The following ANK1 variants were observed in gnomAD, a reference collection of about 807,000 sequenced individuals.
The protein encoded by ANK1 is ankyrin-1.
In ANK1, 51 loss-of-function variants were observed where a neutral mutation model predicts 210.4. The observed-to-expected ratio is 0.24, with a 90% CI of 0.19 to 0.31. The LOEUF (loss-of-function observed/expected upper bound fraction) is 0.31, where lower values mean the gene tolerates loss of function less well. ANK1 is among the 10% of genes least tolerant of loss of function. The pLI is 1.00. For synonymous variants in ANK1, 967 were observed against 1,025.9 expected (o/e 0.94, Z 1.10); for missense variants, 2,051 against 2,504.4 (o/e 0.82, Z 3.86).
chr8:41,732,008 G>A (rs539956674), intron 3 of ANK1, among the ~76,000 whole-genome samples: 4 of 152,310 alleles, frequency 2.6e-5, no homozygotes, highest in South Asian at 4.1e-4. Flanking sequence ...AAAATACCCC[G>A]TATCCAGTCA....
At chr8:41,715,299 C>G (rs1384553757) in intron 14 of ANK1, among the ~76,000 whole-genome samples, 3 of 152,218 alleles carry the variant, frequency 2.0e-5, no homozygotes, top group African/African-American at 7.2e-5. Flanking sequence ...AACCACCTCA[C>G]AGTGGTAGTT....
At chr8:41,852,800 A>T (rs185653394) in intron 1 of ANK1, among the ~76,000 whole-genome samples, 2 of 152,200 alleles carry the variant, frequency 1.3e-5, no homozygotes, top group Middle Eastern at 3.4e-3. Context: ...CCTCTCCCCA[A>T]CCCGCTGAGT....
At position 41,655,601 on chromosome 8, in the gene ANK1, T is replaced by C; in HGVS notation, c.*189A>G. ...TCATGCGTCTACAGTCAGTCATTCATGCCAAGAGGGGACTAGCAGGAGTCC... is the reference window on the plus strand; with the variant it reads ...TCATGCGTCTACAGTCAGTCATTCACGCCAAGAGGGGACTAGCAGGAGTCC... On this transcript the variant is annotated 3_prime_UTR_variant, in exon 43 of 43. Transcript: ENST00000289734. The C allele has an allele frequency of 8.4e-7, 1 of 1,183,898 alleles. No individual in the cohort carries two copies. The highest frequency in any genetic ancestry group is 1.2e-6 in the Non-Finnish European group (1 of 805,452). The allele number at this position is 1,183,898 out of a possible 1,614,324, so 73.3% of individuals were successfully genotyped here.
At chr8:41,865,273 T>C (rs1188655203) in intron 1 of ANK1, among the ~76,000 whole-genome samples, 1 of 152,190 alleles carries the variant, frequency 6.6e-6, no homozygotes, top group Non-Finnish European at 1.5e-5. Context: ...TTTCAGGAAC[T>C]GCATTTGCTG....
intron 2 of ANK1, among the ~76,000 whole-genome samples, chr8:41,752,440 A>G (rs1837936005): frequency 6.6e-6 from 1 of 152,062 alleles, no homozygotes; most frequent in Non-Finnish European, 1.5e-5. Context: ...ACTTCCAAAT[A>G]TCTATCTTTG....
At position 41,690,471 on chromosome 8, in the gene ANK1, C is replaced by T; in HGVS notation, c.3984+3G>A. 6.2e-7 allele frequency: 1 copy of T among 1,614,234 alleles called. No homozygotes were observed. Among genetic ancestry groups the T allele is most frequent in the Non-Finnish European group, 8.5e-7 (1 of 1,180,036 alleles). On this transcript the variant is annotated splice_donor_region_variant and intron_variant, in intron 32 of 42. Coordinates refer to ENST00000289734, the MANE Select transcript of ANK1 (RefSeq NM_000037.4). ...GGAGAACTCAGCCAGAGGGTGCCGG[C>T]ACCTTTACAGGCATGGCCAGACGGT...
At chr8:41,772,940 G>A (rs1191200270) in intron 1 of ANK1, among the ~76,000 whole-genome samples, 10 of 152,144 alleles carry the variant, frequency 6.6e-5, no homozygotes, top group Admixed American at 6.5e-4. Context: ...ACCACCCTGG[G>A]GAGTGTGTCA....
chr8:41,774,216 G>A (rs1024990051), intron 1 of ANK1, among the ~76,000 whole-genome samples: 3 of 152,134 alleles, frequency 2.0e-5, no homozygotes, highest in Non-Finnish European at 4.4e-5. Context: ...TGTTTCCTGA[G>A]CAGAACATGA....
chr8:41,835,178 G>A (rs914195846), intron 1 of ANK1, among the ~76,000 whole-genome samples: 2 of 152,230 alleles, frequency 1.3e-5, no homozygotes. Flanking sequence ...TGTAAGCGGG[G>A]TAGGTGGCTC....
At chr8:41,698,917 C>G (rs1378225488) in intron 23 of ANK1, among the ~76,000 whole-genome samples, 1 of 152,136 alleles carries the variant, frequency 6.6e-6, no homozygotes, top group Non-Finnish European at 1.5e-5. Context: ...CTGCCTCAGC[C>G]TCCCGAGTAG....
intron 10 of ANK1, among the ~76,000 whole-genome samples, chr8:41,719,439 C>T (rs545471214): frequency 5.3e-5 from 8 of 152,308 alleles, no homozygotes; most frequent in South Asian, 2.1e-4. Flanking sequence ...GCCTGGTCAC[C>T]GGGGCAGGGG....
At chr8:41,761,390 T>C (rs373538582) in intron 1 of ANK1, among the ~76,000 whole-genome samples, 17 of 138,582 alleles carry the variant, frequency 1.2e-4, no homozygotes, top group East Asian at 1.1e-3. Context: ...CACACACACA[T>C]GTTCACACAC....
intron 1 of ANK1, among the ~76,000 whole-genome samples, chr8:41,786,279 G>A (rs1846375543): frequency 6.6e-6 from 1 of 152,186 alleles, no homozygotes. Context: ...AGGGCTGGAG[G>A]GGCGTCTACA....
At chr8:41,663,114 C>CTCTCTGTGTG (rs1554517870) in intron 40 of ANK1, among the ~76,000 whole-genome samples, 39 of 145,234 alleles carry the variant, frequency 2.7e-4, no homozygotes, top group Middle Eastern at 3.4e-3. Flanking sequence ...CTCTCTCTCT[C>CTCTCTGTGTG]TGTGTGTGTG....
At chr8:41,822,112 GAGAAAGAA>G (rs1563845202) in intron 1 of ANK1, among the ~76,000 whole-genome samples, 54 of 29,390 alleles carry the variant, frequency 1.8e-3, no homozygotes, top group Admixed American at 2.6e-3. Flanking sequence ...GAGAGAGAGA[GAGAAAGAA>G]AGAGAAAGAA....
intron 1 of ANK1, among the ~76,000 whole-genome samples, chr8:41,790,624 A>G (rs1847474407): frequency 6.6e-6 from 1 of 151,832 alleles, no homozygotes; most frequent in Non-Finnish European, 1.5e-5. Flanking sequence ...ATCCTCAACT[A>G]ATCCCACTAA....
In ANK1 at chr8:41,695,157, C is replaced by T. The variant is rs1397946221; in HGVS notation, c.3115+20G>A. ...TCTTCCGCAAGGAGGGGACCCAGCC[C>T]TGGGATCCCCCGCCCCTACCTTCGT... is the stretch of plus-strand genomic sequence containing the variant. On this transcript the variant is annotated intron_variant, in intron 27 of 42. Coordinates refer to ENST00000289734, the MANE Select transcript of ANK1 (RefSeq NM_000037.4). 5 of 1,613,910 alleles carry T rather than the reference C, an allele frequency of 3.1e-6. No individual in the cohort carries two copies. The highest frequency in any genetic ancestry group is 1.6e-4 in the Middle Eastern group (1 of 6,062).
chr8:41,834,400 C>T (rs890576830), intron 1 of ANK1, among the ~76,000 whole-genome samples: 20 of 152,248 alleles, frequency 1.3e-4, no homozygotes, highest in Admixed American at 3.9e-4. Context: ...AGGCAAATGA[C>T]GCGGCGCCCA....
chr8:41,677,318 C>T (rs565513879), intron 37 of ANK1, among the ~76,000 whole-genome samples: 16 of 152,218 alleles, frequency 1.1e-4, no homozygotes, highest in African/African-American at 3.6e-4. Flanking sequence ...CATTAAGTTT[C>T]TCCAAGTTTT....
Sources: gnomAD v4.1 joint callset for allele counts (sites outside exome capture counted in the v4.1 genomes callset) on GRCh38, gnomAD v4.1.1 for gene constraint, MANE v1.5 for transcripts, NCBI Gene and HGNC (gene_info 2026-07-23, HGNC 2026-07-21) for gene names.